Variants in TAF3 observed in about 807,000 individuals in gnomAD.
TAF3 encodes the protein transcription initiation factor TFIID subunit 3.
TAF3 carries 7 observed loss-of-function variants against 80.6 expected under a neutral mutation model. The ratio of observed to expected loss-of-function variants is 0.09; its 90% CI spans 0.05 to 0.16. TAF3 has a LOEUF of 0.16. TAF3 is among the 10% of genes least tolerant of loss of function. The probability of loss-of-function intolerance (pLI) is 1.00; values close to 1 mark genes in which losing one functional copy is unlikely to be tolerated. For synonymous variants in TAF3, 444 were observed against 446.1 expected (o/e 1.00, Z 0.06); for missense variants, 921 against 1,140.2 (o/e 0.81, Z 2.77).
chr10:7,984,015 T>A (rs1250058161), intron 4 of TAF3, among the ~76,000 whole-genome samples: 1 of 152,166 alleles, frequency 6.6e-6, no homozygotes, highest in Non-Finnish European at 1.5e-5. Flanking sequence ...GATGCTAACA[T>A]TACCAGTGAA....
At chr10:7,918,865 C>T (rs757625117) in intron 2 of TAF3, among the ~76,000 whole-genome samples, 127 of 152,112 alleles carry the variant, frequency 8.3e-4, no homozygotes, top group Non-Finnish European at 1.3e-3. Flanking sequence ...GGAGGGATAG[C>T]AGGTGGAAGG....
intron 2 of TAF3, among the ~76,000 whole-genome samples, chr10:7,883,068 A>G (rs542032644): frequency 6.6e-6 from 1 of 152,334 alleles, no homozygotes; most frequent in East Asian, 1.9e-4. Flanking sequence ...GGAAATTAAC[A>G]TTGATACAAT....
In TAF3 at chr10:7,964,036, C is replaced by T. The variant is rs1043994904; in HGVS notation, c.526C>T (p.Leu176=). The T allele has an allele frequency of 1.5e-5, 24 of 1,613,926 alleles. No homozygotes were observed. Among genetic ancestry groups the T allele is most frequent in the Non-Finnish European group, 1.9e-5 (23 of 1,180,018 alleles). ...AGAAATTATTAATGATGAGAATTTC[C>T]TGGGCAAGAGACCACTGGATAGTCC... The part of the protein sequence containing the change: ...EEEIINDENF[L]GKRPLDSPEA... The change falls in exon 3 of 7, where the codon CTG becomes TTG. Residue 176 remains leucine, a synonymous_variant. Transcript: ENST00000344293. The surrounding 1 kb of genome is among the most constrained non-coding windows in gnomAD (Gnocchi z 4.1).
At chr10:7,994,214 C>G (rs1831862270) in intron 4 of TAF3, among the ~76,000 whole-genome samples, 1 of 151,932 alleles carries the variant, frequency 6.6e-6, no homozygotes, top group African/African-American at 2.4e-5. Context: ...GGATAGCTTT[C>G]TTACTTTCTG....
intron 2 of TAF3, among the ~76,000 whole-genome samples, chr10:7,838,909 T>TTTTTTTTTTTTG (rs1491243385): frequency 5.5e-5 from 3 of 54,688 alleles, no homozygotes; most frequent in Non-Finnish European, 1.2e-4. Flanking sequence ...GCATTGCTTG[T>TTTTTTTTTTTTG]TTTTTTTTTT....
chr10:8,008,364 G>A (rs1832017609), intron 4 of TAF3, among the ~76,000 whole-genome samples: 1 of 152,088 alleles, frequency 6.6e-6, no homozygotes, highest in Admixed American at 6.5e-5. Flanking sequence ...CTCCCAGAGT[G>A]CTAGGATTAC....
At chr10:7,912,426 A>C (rs890965361) in intron 2 of TAF3, among the ~76,000 whole-genome samples, 1 of 152,150 alleles carries the variant, frequency 6.6e-6, no homozygotes, top group Non-Finnish European at 1.5e-5. Context: ...ATGGGTAAGA[A>C]ACAACATGGA....
rs58825999 is a variant in TAF3 at position 7,988,572 on chromosome 10, C to CAAAAAAAAAAAA, written c.2315+11267_2315+11278dup. ...TGGGCAACAGAGTGAGACCCTGTCT[C>CAAAAAAAAAAAA]AAAAAAAAAAAAAAAAAAAAAAAAA... On this transcript the variant is annotated intron_variant, in intron 4 of 6. Transcript: ENST00000344293. Among the ~76,000 whole-genome samples, 92 of 49,270 alleles carry CAAAAAAAAAAAA rather than the reference C, an allele frequency of 1.9e-3. 7 individuals carry two copies. Among genetic ancestry groups the CAAAAAAAAAAAA allele is most frequent in the South Asian group, 2.6e-3 (4 of 1,568 alleles). The allele number at this position is 49,270 out of a possible 152,430, so 32.3% of individuals were successfully genotyped here. A position where few individuals can be genotyped will look rare whatever the true frequency, so the allele number is the denominator to read the frequency against.
intron 2 of TAF3, among the ~76,000 whole-genome samples, chr10:7,924,496 A>G (rs577936046): frequency 6.6e-5 from 10 of 152,302 alleles, no homozygotes; most frequent in African/African-American, 2.4e-4. Context: ...AATAACAAAC[A>G]TCAAAGTCAA....
chr10:7,951,586 C>T (rs530886606), intron 2 of TAF3, among the ~76,000 whole-genome samples: 21 of 152,308 alleles, frequency 1.4e-4, no homozygotes, highest in East Asian at 1.3e-3. Flanking sequence ...GCAAGTCACA[C>T]AGCCACCCAA....
In TAF3 at chr10:7,902,169, A is replaced by G. The variant is rs149203529; in HGVS notation, c.410-61751A>G. Among the ~76,000 whole-genome samples, 23 of 152,286 alleles carry G rather than the reference A, an allele frequency of 1.5e-4. No individual in the cohort carries two copies. The East Asian group carries it at 2.7e-3, about 18-fold the overall frequency. On this transcript the variant is annotated intron_variant, in intron 2 of 6. Coordinates refer to ENST00000344293, the MANE Select transcript of TAF3 (RefSeq NM_031923.4). Reference sequence around the variant, plus strand: ...CCAATATTCAGTTTGGACATATCCAATCCCAGCACTTTGGGAGGCTGAGGC... The same window carrying G: ...CCAATATTCAGTTTGGACATATCCAGTCCCAGCACTTTGGGAGGCTGAGGC...
intron 2 of TAF3, among the ~76,000 whole-genome samples, chr10:7,894,495 C>T (rs772441798): frequency 7.9e-5 from 12 of 152,120 alleles, no homozygotes; most frequent in East Asian, 1.9e-4. Context: ...GTGACCTGAT[C>T]GATTCCTAGA....
At position 7,881,386 on chromosome 10, in the gene TAF3, C is replaced by T. The variant is rs553636173; in HGVS notation, c.409+56826C>T. On this transcript the variant is annotated intron_variant, in intron 2 of 6. Coordinates refer to ENST00000344293, the MANE Select transcript of TAF3 (RefSeq NM_031923.4). ...AAACCTTAAGATATGCCTTTAATGC[C>T]GCCTCCAAGTCAGCAGTATACGAAA... Among the ~76,000 whole-genome samples the T allele has an allele frequency of 8.6e-5, 13 of 151,866 alleles. No homozygotes were observed. In the East Asian group the frequency reaches 1.7e-3, roughly 20 times the overall value.
chr10:7,923,313 T>G (rs1172701764), intron 2 of TAF3, among the ~76,000 whole-genome samples: 1 of 152,104 alleles, frequency 6.6e-6, no homozygotes. Context: ...TTGCTTTGTT[T>G]CACATCTGAA....
intron 4 of TAF3, among the ~76,000 whole-genome samples, chr10:7,980,152 A>G (rs1831712413): frequency 6.6e-6 from 1 of 152,072 alleles, no homozygotes; most frequent in African/African-American, 2.4e-5. Flanking sequence ...TAATGAGCAG[A>G]CTGGGATTCA....
chr10:7,910,847 A>C (rs929114706), intron 2 of TAF3, among the ~76,000 whole-genome samples: 1 of 152,260 alleles, frequency 6.6e-6, no homozygotes, highest in African/African-American at 2.4e-5. Flanking sequence ...TTTTTAAAAA[A>C]TAGATCAATA....
chr10:7,868,201 A>G (rs1453330165), intron 2 of TAF3, among the ~76,000 whole-genome samples: 2 of 152,208 alleles, frequency 1.3e-5, no homozygotes, highest in South Asian at 2.1e-4. Context: ...GATGTTCTGA[A>G]ATAAGAATAA....
intron 2 of TAF3, among the ~76,000 whole-genome samples, chr10:7,875,543 C>T (rs1364032298): frequency 1.3e-5 from 2 of 152,182 alleles, no homozygotes; most frequent in Non-Finnish European, 2.9e-5. Flanking sequence ...CTTCCAGAGC[C>T]AGCGGGCACG....
chr10:7,994,524 TA>T (rs1831865811), intron 4 of TAF3, among the ~76,000 whole-genome samples: 1 of 152,254 alleles, frequency 6.6e-6, no homozygotes, highest in South Asian at 2.1e-4. Flanking sequence ...TATTGTTATT[TA>T]AAAAATAGAG....
Sources: gnomAD v4.1 joint callset for allele counts (sites outside exome capture counted in the v4.1 genomes callset) on GRCh38, gnomAD v4.1.1 for gene constraint, Gnocchi (gnomAD v3.1) non-coding constraint, MANE v1.5 for transcripts, NCBI Gene and HGNC (gene_info 2026-07-23, HGNC 2026-07-21) for gene names.